Variants in SLC8A1 observed in about 807,000 individuals in gnomAD.
The protein encoded by SLC8A1 is solute carrier family 8 member A1.
A neutral mutation model predicts 68.3 loss-of-function variants in SLC8A1; 18 were observed. That is an observed-to-expected ratio of 0.26 (90% CI 0.18 to 0.39). The LOEUF is 0.39. Among genes scored for constraint, SLC8A1 ranks in the 10% least tolerant of loss-of-function variants. The pLI is 1.00. For missense variants in SLC8A1, 985 were observed against 1,156.7 expected, an observed-to-expected ratio of 0.85 and a Z score of 2.15; for synonymous variants, 475 against 415.5, an observed-to-expected ratio of 1.14 and a Z score of -1.74.
chr2:40,159,483 T>C (rs2045266455), intron 6 of SLC8A1, among the ~76,000 whole-genome samples: 1 of 152,244 alleles, frequency 6.6e-6, no homozygotes, highest in African/African-American at 2.4e-5. Context: ...TCAAGGCCCA[T>C]AAAAGAGTTT....
intron 2 of SLC8A1, among the ~76,000 whole-genome samples, chr2:40,415,494 T>C (rs73926210): frequency 0.017 from 2,517 of 151,948 alleles, 70 homozygotes; most frequent in African/African-American, 0.055. Context: ...GGCTTAAGCA[T>C]AAAGGATTAC....
chr2:40,130,548 G>C (rs2039116659), intron 7 of SLC8A1, among the ~76,000 whole-genome samples: 1 of 152,236 alleles, frequency 6.6e-6, no homozygotes, highest in African/African-American at 2.4e-5. Flanking sequence ...CTCTTGGCCT[G>C]ACTGCAGATC....
At position 40,135,588 on chromosome 2, in the gene SLC8A1, T is replaced by A. The variant is rs1046717699; in HGVS notation, c.2437+3813A>T. Among the ~76,000 whole-genome samples, 6 of 152,196 alleles carry A rather than the reference T, an allele frequency of 3.9e-5. No homozygotes were observed. The East Asian group carries it at 1.2e-3, about 29-fold the overall frequency. On this transcript the variant is annotated intron_variant, in intron 7 of 7. Transcript: ENST00000406785. The stretch of plus-strand genomic sequence containing the variant: ...CAAAAATTAGCTAGGCATGGTGGTA[T>A]GTGCCTGTAGTCCCAGCTACTCGGG...
chr2:40,481,226 A>G (rs759156908), intron 1 of SLC8A1, among the ~76,000 whole-genome samples: 96 of 152,362 alleles, frequency 6.3e-4, no homozygotes, highest in Non-Finnish European at 1.1e-3. Flanking sequence ...GATATAAAAA[A>G]GGTGATTAAT....
intron 2 of SLC8A1, among the ~76,000 whole-genome samples, chr2:40,233,072 T>G (rs2059899028): frequency 6.6e-6 from 1 of 152,164 alleles, no homozygotes; most frequent in Admixed American, 6.5e-5. Flanking sequence ...TGTGCATGTG[T>G]CTTTATAGCA....
intron 2 of SLC8A1, among the ~76,000 whole-genome samples, chr2:40,230,792 A>T (rs1344511730): frequency 6.6e-6 from 1 of 152,218 alleles, no homozygotes; most frequent in Admixed American, 6.5e-5. Flanking sequence ...ACAGATTACT[A>T]TGATGGTTCT....
At chr2:40,235,765 C>T (rs1229592690) in intron 2 of SLC8A1, among the ~76,000 whole-genome samples, 2 of 149,600 alleles carry the variant, frequency 1.3e-5, no homozygotes, top group Admixed American at 1.3e-4. Context: ...CTACACACTG[C>T]TTTGAATGCA....
At chr2:40,228,118 A>G (rs2059212733) in intron 2 of SLC8A1, among the ~76,000 whole-genome samples, 1 of 152,192 alleles carries the variant, frequency 6.6e-6, no homozygotes, top group African/African-American at 2.4e-5. Context: ...TCATCAGTGC[A>G]AGTGTTGACA....
intron 5 of SLC8A1, among the ~76,000 whole-genome samples, chr2:40,162,029 A>G (rs942640078): frequency 2.0e-5 from 3 of 152,246 alleles, no homozygotes; most frequent in Admixed American, 1.3e-4. Flanking sequence ...AAGAAGAGTC[A>G]TTGGAACAGA....
chr2:40,129,299 T>C (rs542958427), intron 7 of SLC8A1, among the ~76,000 whole-genome samples: 6 of 151,906 alleles, frequency 3.9e-5, no homozygotes, highest in African/African-American at 1.4e-4. Flanking sequence ...GGCATGATCA[T>C]GGCTCACTGC....
chr2:40,462,336 T>G (rs1174077610), intron 1 of SLC8A1, among the ~76,000 whole-genome samples: 2 of 152,070 alleles, frequency 1.3e-5, no homozygotes, highest in Non-Finnish European at 1.5e-5. Context: ...TAAATAAATC[T>G]AATACTTTTT....
At chr2:40,469,307 C>G (rs1053982378) in intron 1 of SLC8A1, among the ~76,000 whole-genome samples, 4 of 152,066 alleles carry the variant, frequency 2.6e-5, no homozygotes, top group Non-Finnish European at 2.9e-5. Flanking sequence ...TTTCCCCATA[C>G]TGCTGTCATG....
At chr2:40,217,328 G>A (rs939872074) in intron 2 of SLC8A1, among the ~76,000 whole-genome samples, 4 of 152,128 alleles carry the variant, frequency 2.6e-5, no homozygotes, top group Non-Finnish European at 4.4e-5. Flanking sequence ...TGAGGTCTCT[G>A]TTTTGTTCCA....
intron 2 of SLC8A1, among the ~76,000 whole-genome samples, chr2:40,221,560 G>C (rs1041494174): frequency 3.9e-5 from 6 of 152,064 alleles, no homozygotes; most frequent in East Asian, 3.8e-4. Context: ...AGAAATAAAG[G>C]GTATTTGAAT....
intron 2 of SLC8A1, among the ~76,000 whole-genome samples, chr2:40,371,951 C>T (rs1288749362): frequency 6.6e-6 from 1 of 152,092 alleles, no homozygotes; most frequent in African/African-American, 2.4e-5. Flanking sequence ...GTACATGGAA[C>T]TGGGATGTAA....
At chr2:40,122,287 G>C (rs1448433979) in intron 7 of SLC8A1, among the ~76,000 whole-genome samples, 1 of 151,854 alleles carries the variant, frequency 6.6e-6, no homozygotes, top group Admixed American at 6.6e-5. Context: ...TCATCATTTG[G>C]CTTCCAAGTG....
intron 2 of SLC8A1, among the ~76,000 whole-genome samples, chr2:40,315,853 A>T (rs111281625): frequency 0.011 from 1,613 of 152,102 alleles, 29 homozygotes; most frequent in African/African-American, 0.037. Flanking sequence ...CAAAAGGGGG[A>T]AAATACTCAA....
At chr2:40,436,299 C>T (rs1699405676) in intron 1 of SLC8A1, among the ~76,000 whole-genome samples, 2 of 152,040 alleles carry the variant, frequency 1.3e-5, no homozygotes, top group Admixed American at 6.5e-5. Flanking sequence ...ACCAAATCTC[C>T]AGTGGTAAAC....
chr2:40,439,673 G>C (rs367697716), intron 1 of SLC8A1, among the ~76,000 whole-genome samples: 2 of 152,272 alleles, frequency 1.3e-5, no homozygotes, highest in South Asian at 2.1e-4. Context: ...GAGTCATTAA[G>C]ATTCATCTTC....
Sources: allele counts gnomAD v4.1 joint callset (sites outside exome capture counted in the v4.1 genomes callset), GRCh38; gene constraint gnomAD v4.1.1; transcripts MANE v1.5; gene names NCBI Gene and HGNC (gene_info 2026-07-23, HGNC 2026-07-21).